PSMA6: variants seen among roughly 807,000 people sequenced by gnomAD.
PSMA6 encodes the protein proteasome subunit alpha type-6.
For missense variants in PSMA6, 170 were observed against 294.8 expected, an observed-to-expected ratio of 0.58 and a Z score of 3.10; for synonymous variants, 88 against 97.7, an observed-to-expected ratio of 0.90 and a Z score of 0.59.
chr14:35,309,937 A>G lies in PSMA6; in HGVS notation c.254-803A>G, dbSNP rs553306613. ...CAGTGAGCCAAGATCATGAGACTGTACTGCAGCCTGGGCAACGGAGCAAGA... is the reference window on the plus strand; with the variant it reads ...CAGTGAGCCAAGATCATGAGACTGTGCTGCAGCCTGGGCAACGGAGCAAGA... On this transcript the variant is annotated intron_variant, in intron 3 of 6. Coordinates refer to ENST00000261479, the MANE Select transcript of PSMA6 (RefSeq NM_002791.3). Among the ~76,000 whole-genome samples the G allele has an allele frequency of 4.2e-4, 64 of 152,136 alleles. 1 individual carries two copies. The highest frequency in any genetic ancestry group is 3.3e-3 in the Admixed American group (50 of 15,252).
chr14:35,307,856 G>A lies in PSMA6; in HGVS notation c.77-138G>A, dbSNP rs183515483. ...GACTTGTGGTCATTATTATTATTTT[G>A]ACTTTGCACATCCTGGAATGCTATA... On this transcript the variant is annotated intron_variant, in intron 1 of 6. Coordinates refer to ENST00000261479, the MANE Select transcript of PSMA6 (RefSeq NM_002791.3). 1.9e-5 allele frequency: 13 copies of A among 676,336 alleles called. No individual in the cohort carries two copies. The East Asian group carries it at 3.8e-4, about 20-fold the overall frequency. 41.9% of individuals were successfully genotyped at this position (676,336 alleles called of 1,614,324 possible).
At chr14:35,303,194 G>A (rs950409082) in intron 1 of PSMA6, among the ~76,000 whole-genome samples, 1 of 152,098 alleles carries the variant, frequency 6.6e-6, no homozygotes, top group Non-Finnish European at 1.5e-5. Flanking sequence ...GTTCTAATAG[G>A]CAGTTAATTT....
At chr14:35,294,113 C>T (rs2051536538) in intron 1 of PSMA6, among the ~76,000 whole-genome samples, 1 of 152,216 alleles carries the variant, frequency 6.6e-6, no homozygotes, top group Non-Finnish European at 1.5e-5. Context: ...GGCGCGATCT[C>T]GGCTCCCCGC....
intron 1 of PSMA6, among the ~76,000 whole-genome samples, chr14:35,301,657 G>A (rs774585987): frequency 2.0e-4 from 31 of 152,174 alleles, no homozygotes; most frequent in Non-Finnish European, 1.0e-4. Flanking sequence ...GACAGCACTG[G>A]TCTATATAAA....
intron 1 of PSMA6, among the ~76,000 whole-genome samples, chr14:35,298,177 T>C (rs1309669506): frequency 6.6e-6 from 1 of 152,116 alleles, no homozygotes; most frequent in Non-Finnish European, 1.5e-5. Context: ...TAATGCATTA[T>C]AATTTTTCCC....
chr14:35,317,184 A>G, intron 6 of PSMA6, 65 bp from the exon 7 acceptor site: 1 of 1,274,562 alleles, frequency 7.8e-7, no homozygotes, highest in South Asian at 1.2e-5. Flanking sequence ...ATACTATCCC[A>G]CTTTTACGTG....
At chr14:35,284,029 C>T (rs183172708) in intron 1 of PSMA6, among the ~76,000 whole-genome samples, 133 of 152,294 alleles carry the variant, frequency 8.7e-4, no homozygotes, top group African/African-American at 3.0e-3. Context: ...GGTTTATCTT[C>T]CCAAAGCATA....
intron 6 of PSMA6, chr14:35,316,385 C>CAAAAAA (rs11341361): frequency 9.6e-6 from 1 of 103,732 alleles, no homozygotes; most frequent in African/African-American, 3.5e-5. Context: ...GACTCCATCT[C>CAAAAAA]AAAAAAAAAA....
intron 1 of PSMA6, among the ~76,000 whole-genome samples, chr14:35,307,619 A>G (rs552310944): frequency 6.6e-6 from 1 of 152,268 alleles, no homozygotes; most frequent in East Asian, 1.9e-4. Flanking sequence ...CTATAATCCC[A>G]GCTACTTAGG....
chr14:35,308,087 C>T lies in PSMA6; in HGVS notation c.170C>T (p.Pro57Leu). 1.2e-6 allele frequency: 2 copies of T among 1,613,480 alleles called. No individual in the cohort carries two copies. Among genetic ancestry groups the T allele is most frequent in the African/African-American group, 2.7e-5 (2 of 74,996 alleles). Residue 57 changes from proline to leucine, a missense_variant and splice_region_variant, in exon 2 of 7, where the codon CCT (proline) becomes CTT (leucine). By Grantham distance (98) the Pro-to-Leu change is moderately conservative. Coordinates refer to ENST00000261479, the MANE Select transcript of PSMA6 (RefSeq NM_002791.3). The part of the protein sequence containing the change: ...CAVIVTQKKV[P>L]DKLLDSSTVT... ...GTAATTGTCACACAGAAGAAAGTAC[C>T]TGTAAGTAATACTGCCCAAATAGTT... is the stretch of plus-strand genomic sequence containing the variant.
intron 1 of PSMA6, 194 bp downstream of exon 1, chr14:35,292,746 G>A (rs2051510287): frequency 9.2e-7 from 1 of 1,088,522 alleles, no homozygotes; most frequent in Non-Finnish European, 1.3e-6. Flanking sequence ...GGGCCTGAAG[G>A]CCTGTCTCTG....
intron 3 of PSMA6, among the ~76,000 whole-genome samples, chr14:35,309,303 ATC>A (rs1456845088): frequency 2.6e-5 from 4 of 152,238 alleles, no homozygotes. Flanking sequence ...AACTCAGTAT[ATC>A]TCAAACCTGG....
chr14:35,310,659 A>T, intron 3 of PSMA6, 81 bp from the exon 4 acceptor site: 2 of 1,462,730 alleles, frequency 1.4e-6, no homozygotes, highest in Non-Finnish European at 9.4e-7. Flanking sequence ...TATGGTGGGA[A>T]AATTGCCTGG....
At chr14:35,309,212 C>T (rs994590777) in intron 3 of PSMA6, among the ~76,000 whole-genome samples, 1 of 152,158 alleles carries the variant, frequency 6.6e-6, no homozygotes, top group Non-Finnish European at 1.5e-5. Context: ...GCTTATGCTG[C>T]TGTCGGAGAA....
chr14:35,281,311 C>T (rs2051364251), intron 1 of PSMA6, among the ~76,000 whole-genome samples: 1 of 152,156 alleles, frequency 6.6e-6, no homozygotes, highest in African/African-American at 2.4e-5. Context: ...CCATTAATTT[C>T]CTGAAAGAGC....
chr14:35,312,400 G>T (rs1005322942), intron 4 of PSMA6, among the ~76,000 whole-genome samples: 18 of 151,412 alleles, frequency 1.2e-4, no homozygotes, highest in Admixed American at 9.2e-4. Flanking sequence ...CCAGCTACTC[G>T]GGAGGCTGAG....
chr14:35,284,158 C>G (rs753510768), intron 1 of PSMA6, among the ~76,000 whole-genome samples: 1 of 152,074 alleles, frequency 6.6e-6, no homozygotes, highest in East Asian at 1.9e-4. Flanking sequence ...TCATTTGTAC[C>G]CTAATCCAAA....
exon 1 of PSMA6, chr14:35,278,634 G>C (rs1239496207): frequency 6.6e-7 from 1 of 1,519,168 alleles, no homozygotes. Flanking sequence ...GAGCAGGGTA[G>C]TGTCCTAGGC....
upstream of PSMA6, among the ~76,000 whole-genome samples, chr14:35,291,603 C>T (rs1469394526): frequency 6.6e-6 from 1 of 152,056 alleles, no homozygotes; most frequent in African/African-American, 2.4e-5. Flanking sequence ...GAAGGTGGAT[C>T]ACTTGGGCTC....
Sources: gnomAD v4.1 joint callset for allele counts (sites outside exome capture counted in the v4.1 genomes callset) on GRCh38, gnomAD v4.1.1 for gene constraint, MANE v1.5 for transcripts, NCBI Gene and HGNC (gene_info 2026-07-23, HGNC 2026-07-21) for gene names.